The following EXOC4 variants were observed in gnomAD, a reference collection of about 807,000 sequenced individuals.
EXOC4 encodes exocyst complex component 4, also known as SEC8-like 1.
In EXOC4, 71 loss-of-function variants were observed where a neutral mutation model predicts 107.2. That is an observed-to-expected ratio of 0.66 (90% CI 0.55 to 0.81). The LOEUF is 0.81. Among genes scored for constraint, EXOC4 ranks in the 30% least tolerant of loss-of-function variants. The probability of loss-of-function intolerance (pLI) is 0.00; values close to 1 mark genes in which losing one functional copy is unlikely to be tolerated. For synonymous variants in EXOC4, 456 were observed against 441.2 expected (o/e 1.03, Z -0.42); for missense variants, 1,108 against 1,189.6 (o/e 0.93, Z 1.01).
intron 7 of EXOC4, among the ~76,000 whole-genome samples, chr7:133,405,701 A>T (rs958829908): frequency 6.6e-6 from 1 of 152,174 alleles, no homozygotes; most frequent in South Asian, 2.1e-4. Context: ...CATAACTATG[A>T]TAAACTTTAA....
chr7:133,486,587 T>C (rs1312818472), intron 9 of EXOC4, among the ~76,000 whole-genome samples: 2 of 152,154 alleles, frequency 1.3e-5, no homozygotes, highest in African/African-American at 4.8e-5. Flanking sequence ...CTTAATGACT[T>C]CATTAATAAC....
intron 13 of EXOC4, among the ~76,000 whole-genome samples, chr7:133,936,650 T>C (rs1228441122): frequency 6.6e-6 from 1 of 152,126 alleles, no homozygotes; most frequent in Non-Finnish European, 1.5e-5. Flanking sequence ...TTTTTTGTTT[T>C]GTTTTGTTTT....
rs1008833997 is a variant in EXOC4, at chr7:134,007,673, C to T, written c.2528-3C>T. On this transcript the variant is annotated splice_polypyrimidine_tract_variant and splice_region_variant and intron_variant, in intron 16 of 17. Transcript: ENST00000253861. ...TTTGCCCCGCACTGTGCTGACCCCT[C>T]AGGCCTGGGCCACCTGATCTCCTGC... 1.1e-5 allele frequency: 17 copies of T among 1,611,806 alleles called. No homozygotes were observed. Among genetic ancestry groups the T allele is most frequent in the Non-Finnish European group, 1.4e-5 (16 of 1,178,922 alleles).
intron 10 of EXOC4, among the ~76,000 whole-genome samples, chr7:133,707,786 T>G (rs1038414911): frequency 3.3e-5 from 5 of 152,068 alleles, no homozygotes; most frequent in African/African-American, 1.2e-4. Flanking sequence ...TGGCTAATTT[T>G]TGTATTTTTA....
At chr7:133,529,708 G>A (rs529542385) in intron 9 of EXOC4, among the ~76,000 whole-genome samples, 1 of 152,172 alleles carries the variant, frequency 6.6e-6, no homozygotes, top group Non-Finnish European at 1.5e-5. Context: ...CATTTTTTAT[G>A]TGGCATCGTT....
intron 10 of EXOC4, among the ~76,000 whole-genome samples, chr7:133,736,492 G>A (rs973789249): frequency 7.9e-5 from 12 of 152,136 alleles, no homozygotes; most frequent in African/African-American, 2.7e-4. Context: ...TTTGGGTTGA[G>A]GACCATTGCT....
At chr7:133,668,170 A>G (rs1793860152) in intron 10 of EXOC4, among the ~76,000 whole-genome samples, 2 of 152,364 alleles carry the variant, frequency 1.3e-5, no homozygotes, top group Middle Eastern at 3.4e-3. Context: ...AGGAAGTGCA[A>G]TGAATATAGG....
intron 9 of EXOC4, among the ~76,000 whole-genome samples, chr7:133,624,124 T>C (rs898934399): frequency 3.1e-4 from 47 of 152,190 alleles, no homozygotes; most frequent in Admixed American, 2.6e-3. Flanking sequence ...TTCACTGTGG[T>C]TCTTTTCTAC....
intron 3 of EXOC4, among the ~76,000 whole-genome samples, chr7:133,305,411 C>T (rs145346011): frequency 3.3e-5 from 5 of 152,126 alleles, no homozygotes; most frequent in East Asian, 1.9e-4. Flanking sequence ...AGAGAGAGCC[C>T]GACTCTTGGT....
intron 17 of EXOC4, among the ~76,000 whole-genome samples, chr7:134,045,453 G>A (rs151035115): frequency 6.6e-6 from 1 of 152,262 alleles, no homozygotes; most frequent in Non-Finnish European, 1.5e-5. Flanking sequence ...TCAGCTTACA[G>A]AATCTTCTGT....
intron 17 of EXOC4, among the ~76,000 whole-genome samples, chr7:134,056,068 T>A (rs965404799): frequency 2.0e-5 from 3 of 152,192 alleles, no homozygotes; most frequent in African/African-American, 7.2e-5. Context: ...CTGAAAAATA[T>A]AGATAATATA....
chr7:133,699,409 C>T (rs2151085476), intron 10 of EXOC4, among the ~76,000 whole-genome samples: 1 of 152,212 alleles, frequency 6.6e-6, no homozygotes, highest in South Asian at 2.1e-4. Flanking sequence ...GGGAGCAATC[C>T]AGAATATGCC....
intron 9 of EXOC4, among the ~76,000 whole-genome samples, chr7:133,547,489 T>C (rs971030489): frequency 5.3e-4 from 81 of 152,188 alleles, no homozygotes; most frequent in African/African-American, 2.0e-3. Context: ...ACTCTTCCTC[T>C]TATGAAAAAT....
At chr7:133,324,899 T>C (rs1261455923) in intron 5 of EXOC4, among the ~76,000 whole-genome samples, 1 of 152,216 alleles carries the variant, frequency 6.6e-6, no homozygotes, top group East Asian at 1.9e-4. Context: ...TGCTCCTGTA[T>C]TGGGTGGATA....
At chr7:133,255,834 G>C (rs562609214) in intron 1 of EXOC4, among the ~76,000 whole-genome samples, 11 of 152,154 alleles carry the variant, frequency 7.2e-5, no homozygotes, top group Non-Finnish European at 8.8e-5. Flanking sequence ...GATGGGGAAT[G>C]GGGGGAGAGT....
intron 10 of EXOC4, among the ~76,000 whole-genome samples, chr7:133,692,064 A>T (rs758743774): frequency 6.6e-6 from 1 of 152,160 alleles, no homozygotes; most frequent in Non-Finnish European, 1.5e-5. Flanking sequence ...GAAGACGTTC[A>T]CTTCTCACCT....
chr7:133,704,474 T>C (rs2151090120), intron 10 of EXOC4, among the ~76,000 whole-genome samples: 1 of 152,334 alleles, frequency 6.6e-6, no homozygotes, highest in South Asian at 2.1e-4. Flanking sequence ...ATGCTTTCCC[T>C]TTTTCCTATC....
At chr7:133,270,811 A>G (rs1005047960) in intron 1 of EXOC4, among the ~76,000 whole-genome samples, 13 of 151,814 alleles carry the variant, frequency 8.6e-5, no homozygotes, top group African/African-American at 1.7e-4. Context: ...CTGCACTGCT[A>G]TCTGTTCAGG....
chr7:133,745,945 G>T (rs1408011984), intron 10 of EXOC4, among the ~76,000 whole-genome samples: 1 of 151,834 alleles, frequency 6.6e-6, no homozygotes, highest in African/African-American at 2.4e-5. Context: ...TTACTTTTCT[G>T]TGTTTTTCAG....
Sources: gnomAD v4.1 joint callset for allele counts (sites outside exome capture counted in the v4.1 genomes callset) on GRCh38, gnomAD v4.1.1 for gene constraint, MANE v1.5 for transcripts, NCBI Gene and HGNC (gene_info 2026-07-23, HGNC 2026-07-21) for gene names.